The following ENAH variants were observed in gnomAD, a reference collection of about 807,000 sequenced individuals.
ENAH encodes the protein ENAH actin regulator, also known as protein enabled homolog.
Under a neutral mutation model 78.7 loss-of-function variants are expected in ENAH, and 23 were observed. The observed-to-expected ratio is 0.29, with a 90% CI of 0.21 to 0.41. ENAH has a LOEUF of 0.41. Among genes scored for constraint, ENAH ranks in the 10% least tolerant of loss-of-function variants. The pLI, the probability that ENAH is intolerant of heterozygous loss-of-function variation, is 1.00. For missense variants in ENAH, 544 were observed against 691.0 expected, an observed-to-expected ratio of 0.79 and a Z score of 2.39; for synonymous variants, 226 against 241.0, an observed-to-expected ratio of 0.94 and a Z score of 0.58.
At chr1:225,521,439 G>C (rs1374051307) in intron 4 of ENAH, among the ~76,000 whole-genome samples, 1 of 151,942 alleles carries the variant, frequency 6.6e-6, no homozygotes, top group Non-Finnish European at 1.5e-5. Flanking sequence ...TCAGGAGTTT[G>C]AGACTAGCTT....
intron 1 of ENAH, among the ~76,000 whole-genome samples, chr1:225,630,539 G>C (rs140955679): frequency 6.6e-6 from 1 of 152,268 alleles, no homozygotes; most frequent in East Asian, 1.9e-4. Context: ...ATGAACAGTT[G>C]ATATTTGCAC....
intron 1 of ENAH, among the ~76,000 whole-genome samples, chr1:225,579,012 T>C (rs1460303946): frequency 6.6e-6 from 1 of 152,220 alleles, no homozygotes; most frequent in African/African-American, 2.4e-5. Flanking sequence ...TGGTTCTATG[T>C]GCTTTGCCTT....
intron 1 of ENAH, among the ~76,000 whole-genome samples, chr1:225,615,612 G>C (rs1185138373): frequency 6.6e-6 from 1 of 151,832 alleles, no homozygotes; most frequent in South Asian, 2.1e-4. Context: ...GTCTCTGCCC[G>C]GCCGCCCGGC....
chr1:225,545,994 G>C (rs2096611822), intron 3 of ENAH, among the ~76,000 whole-genome samples: 1 of 144,494 alleles, frequency 6.9e-6, no homozygotes, highest in Non-Finnish European at 1.5e-5. Flanking sequence ...CGTGATCATA[G>C]CTCACTGTAA....
chr1:225,519,863 C>G (rs2096453937), intron 4 of ENAH, among the ~76,000 whole-genome samples: 1 of 152,156 alleles, frequency 6.6e-6, no homozygotes, highest in Non-Finnish European at 1.5e-5. Context: ...AAATAACATA[C>G]CACTTTAATA....
At chr1:225,609,999 A>G (rs2096979533) in intron 1 of ENAH, among the ~76,000 whole-genome samples, 1 of 152,072 alleles carries the variant, frequency 6.6e-6, no homozygotes, top group Non-Finnish European at 1.5e-5. Context: ...CTACATGACT[A>G]TATAAATTAT....
intron 3 of ENAH, among the ~76,000 whole-genome samples, chr1:225,549,488 G>C (rs1353804732): frequency 6.6e-6 from 1 of 152,122 alleles, no homozygotes; most frequent in Non-Finnish European, 1.5e-5. Flanking sequence ...TACTGACAAA[G>C]AGAAAAGAGG....
At chr1:225,648,052 C>T (rs1031387716) in intron 1 of ENAH, among the ~76,000 whole-genome samples, 6 of 152,192 alleles carry the variant, frequency 3.9e-5, no homozygotes, top group Non-Finnish European at 8.8e-5. Flanking sequence ...AGGACTATAT[C>T]CCAGGTCTGA....
chr1:225,618,457 C>T (rs1656209314), intron 1 of ENAH, among the ~76,000 whole-genome samples: 2 of 152,092 alleles, frequency 1.3e-5, no homozygotes, highest in Non-Finnish European at 2.9e-5. Flanking sequence ...ACCTTTTTCT[C>T]CTCACCTCTC....
intron 1 of ENAH, among the ~76,000 whole-genome samples, chr1:225,625,378 T>A (rs1268877356): frequency 6.6e-6 from 1 of 152,226 alleles, no homozygotes; most frequent in Non-Finnish European, 1.5e-5. Context: ...TCTTACCAAT[T>A]TTCTTTAAGA....
In ENAH at chr1:225,519,511, T is replaced by TCGCTCCAGCCTTTCC. The variant is rs529646552; in HGVS notation, c.474_488dup (p.Leu161_Arg165dup). ...CCAACCTTTCTCTTTCCATTCTTTC[T>TCGCTCCAGCCTTTCC]CGCTCCAGCCTTTCCCGCTCCAGCT... On this transcript the variant is annotated inframe_insertion, in exon 5 of 14. Transcript: ENST00000366843. The TCGCTCCAGCCTTTCC allele has an allele frequency of 1.9e-6, 3 of 1,612,090 alleles. No individual in the cohort carries two copies. The highest frequency in any genetic ancestry group is 2.2e-5 in the East Asian group (1 of 44,862).
At chr1:225,593,415 G>T (rs2096887476) in intron 1 of ENAH, among the ~76,000 whole-genome samples, 1 of 107,980 alleles carries the variant, frequency 9.3e-6, no homozygotes, top group African/African-American at 4.2e-5. Context: ...GGGGGGGGGG[G>T]GGTGGGGGGT....
intron 1 of ENAH, among the ~76,000 whole-genome samples, chr1:225,605,234 C>T (rs1358105186): frequency 6.6e-6 from 1 of 152,128 alleles, no homozygotes; most frequent in African/African-American, 2.4e-5. Flanking sequence ...TATCTACACT[C>T]GAAATTGACA....
chr1:225,514,886 G>A lies in ENAH; in HGVS notation c.928C>T (p.Pro310Ser), dbSNP rs200278281. The change falls in exon 7 of 14, where the codon CCA becomes TCA. Residue 310 changes from proline to serine, a missense_variant. Coordinates refer to ENST00000366843, the MANE Select transcript of ENAH (RefSeq NM_018212.6). ...GGTGGAGGAGGTGGAGGTGCAAGTG[G>A]TCCCAAGACAATGCCTGAGAGAGAG... Reference protein sequence around the residue: ...TPSQQGIVLGPLAPPPPPPLP... With the variant: ...TPSQQGIVLGSLAPPPPPPLP... 78 of 1,610,898 alleles carry A rather than the reference G, an allele frequency of 4.8e-5. No individual in the cohort carries two copies. Among genetic ancestry groups the A allele is most frequent in the Non-Finnish European group, 5.2e-5 (61 of 1,179,152 alleles).
intron 8 of ENAH, 60 bp downstream of exon 8, chr1:225,512,811 T>C (rs748586880): frequency 6.8e-6 from 11 of 1,609,024 alleles, no homozygotes; most frequent in Non-Finnish European, 9.3e-6. Context: ...TTAGTTGTAT[T>C]TGGAATACAA....
At chr1:225,542,833 T>C (rs1168683016) in intron 3 of ENAH, among the ~76,000 whole-genome samples, 3 of 151,914 alleles carry the variant, frequency 2.0e-5, no homozygotes, top group African/African-American at 7.3e-5. Context: ...CTGAGCAATG[T>C]AGTAGCAAGG....
rs2096229002 is a variant in ENAH at position 225,492,845 on chromosome 1, A to T, written c.*4930T>A. 1 of 3,246 alleles carries T rather than the reference A, an allele frequency of 3.1e-4. No individual in the cohort carries two copies. Among genetic ancestry groups the T allele is most frequent in the Non-Finnish European group, 5.6e-4 (1 of 1,776 alleles). The allele number at this position is 3,246 out of a possible 1,614,324, so 0.2% of individuals were successfully genotyped here. A position where few individuals can be genotyped will look rare whatever the true frequency, so the allele number is the denominator to read the frequency against. ...CATTCTTACAACATCCTAAGTCATTATGACAGTCATTTATCCTTTTACAAT... is the reference window on the plus strand; with the variant it reads ...CATTCTTACAACATCCTAAGTCATTTTGACAGTCATTTATCCTTTTACAAT... On this transcript the variant is annotated 3_prime_UTR_variant, in exon 14 of 14. Coordinates refer to ENST00000366843, the MANE Select transcript of ENAH (RefSeq NM_018212.6).
intron 7 of ENAH, among the ~76,000 whole-genome samples, chr1:225,513,720 G>A (rs1314545227): frequency 1.3e-5 from 2 of 152,068 alleles, no homozygotes; most frequent in South Asian, 2.1e-4. Flanking sequence ...GGCCGGGTGC[G>A]ATGGCTCACA....
intron 1 of ENAH, among the ~76,000 whole-genome samples, chr1:225,576,919 G>T (rs1173653224): frequency 2.0e-5 from 3 of 152,108 alleles, no homozygotes; most frequent in Non-Finnish European, 4.4e-5. Flanking sequence ...TGGATTGCTG[G>T]AGCCCAGGAG....
Sources: allele counts gnomAD v4.1 joint callset (sites outside exome capture counted in the v4.1 genomes callset), GRCh38; gene constraint gnomAD v4.1.1; transcripts MANE v1.5; gene names NCBI Gene and HGNC (gene_info 2026-07-23, HGNC 2026-07-21).